Variants in GSG1L observed in about 807,000 individuals in gnomAD.
GSG1L encodes the protein germ cell-specific gene 1-like protein.
A neutral mutation model predicts 42.1 loss-of-function variants in GSG1L; 24 were observed. That is an observed-to-expected ratio of 0.57 (90% confidence interval 0.41 to 0.80). The LOEUF is 0.80. Among genes scored for constraint, GSG1L ranks in the 30% least tolerant of loss-of-function variants. The pLI, the probability that GSG1L is intolerant of heterozygous loss-of-function variation, is 0.00. For missense variants in GSG1L, 445 were observed against 472.2 expected (o/e 0.94, Z 0.53); for synonymous variants, 215 against 203.5 (o/e 1.06, Z -0.48).
chr16:28,022,468 A>T (rs376723124), intron 1 of GSG1L, among the ~76,000 whole-genome samples: 1 of 147,372 alleles, frequency 6.8e-6, no homozygotes, highest in Non-Finnish European at 1.5e-5. Context: ...ACAAGCCACC[A>T]CAACCAGCTA....
At chr16:27,809,829 T>C (rs892397914) in intron 5 of GSG1L, among the ~76,000 whole-genome samples, 1 of 152,182 alleles carries the variant, frequency 6.6e-6, no homozygotes, top group Non-Finnish European at 1.5e-5. Context: ...TCTTCTCTCA[T>C]GCAAGGAAGG....
intron 2 of GSG1L, among the ~76,000 whole-genome samples, chr16:27,949,874 G>A (rs935384782): frequency 4.6e-5 from 7 of 152,118 alleles, no homozygotes; most frequent in Non-Finnish European, 7.3e-5. Context: ...GCGGTGAGCC[G>A]AGATTGCGCC....
intron 1 of GSG1L, among the ~76,000 whole-genome samples, chr16:27,976,156 T>A (rs983357641): frequency 1.3e-5 from 2 of 152,092 alleles, no homozygotes; most frequent in Non-Finnish European, 2.9e-5. Context: ...ACGCCTGTAA[T>A]CCCGGCTACT....
At position 28,034,216 on chromosome 16, in the gene GSG1L, TCCCA is replaced by T; in HGVS notation, c.349+28856_349+28859del. 1.7e-3 allele frequency among the ~76,000 whole-genome samples: 6 copies of T among 3,518 alleles called. No individual in the cohort carries two copies. In the Admixed American group the frequency reaches 0.021, roughly 12 times the overall value. The allele number at this position is 3,518 out of a possible 152,430, so 2.3% of individuals were successfully genotyped here. A position where few individuals can be genotyped will look rare whatever the true frequency, so the allele number is the denominator to read the frequency against. ...ACTCATCTCATCCCATCCCAACCCA[TCCCA>T]TCCCATCCCATCCCATCCCATCCCA... On this transcript the variant is annotated intron_variant, in intron 1 of 6. Coordinates refer to ENST00000447459, the MANE Select transcript of GSG1L (RefSeq NM_001109763.2).
chr16:28,023,815 A>C (rs1448062137), intron 1 of GSG1L, among the ~76,000 whole-genome samples: 1 of 152,146 alleles, frequency 6.6e-6, no homozygotes, highest in Non-Finnish European at 1.5e-5. Flanking sequence ...GCTTGAGCCA[A>C]GGAGTTCAAG....
intron 6 of GSG1L, among the ~76,000 whole-genome samples, chr16:27,802,560 C>T (rs1263479501): frequency 3.3e-5 from 5 of 152,108 alleles, no homozygotes; most frequent in Non-Finnish European, 7.4e-5. Flanking sequence ...TTTGGAAAGT[C>T]TCTGGGGGCG....
chr16:28,056,273 T>C (rs2086278625), intron 1 of GSG1L, among the ~76,000 whole-genome samples: 1 of 152,080 alleles, frequency 6.6e-6, no homozygotes, highest in African/African-American at 2.4e-5. Flanking sequence ...ATATACGCCA[T>C]GGAATACTAT....
chr16:27,969,781 C>T (rs1421010754), intron 1 of GSG1L, among the ~76,000 whole-genome samples: 1 of 152,208 alleles, frequency 6.6e-6, no homozygotes, highest in African/African-American at 2.4e-5. Context: ...GAAATTGCGA[C>T]ACTTTTTTCC....
At chr16:28,002,134 G>A (rs2085584317) in intron 1 of GSG1L, among the ~76,000 whole-genome samples, 2 of 152,212 alleles carry the variant, frequency 1.3e-5, no homozygotes, top group Non-Finnish European at 2.9e-5. Flanking sequence ...CATTCCAGCA[G>A]GAGAAACAGA....
Position 27,879,044 on chromosome 16 carries a change from GGGTTTTT to G in GSG1L, c.550+5435_550+5441del, listed in dbSNP as rs1187523080. 2.6e-5 allele frequency among the ~76,000 whole-genome samples: 4 copies of G among 152,210 alleles called. No homozygotes were observed. The East Asian group carries it at 5.8e-4, about 22-fold the overall frequency. On this transcript the variant is annotated intron_variant, in intron 3 of 6. Coordinates refer to ENST00000447459, the MANE Select transcript of GSG1L (RefSeq NM_001109763.2). ...AATTTGATCAGATATCAAGGCTGGG[GGGTTTTT>G]GATACACGGATCCAGCAGGATTCTT... is the stretch of plus-strand genomic sequence containing the variant.
intron 2 of GSG1L, among the ~76,000 whole-genome samples, chr16:27,957,519 A>C (rs74015177): frequency 0.043 from 6,484 of 152,250 alleles, 480 homozygotes; most frequent in African/African-American, 0.15. Flanking sequence ...GTGGTACTCC[A>C]GTGCTGGGCT....
intron 1 of GSG1L, among the ~76,000 whole-genome samples, chr16:28,006,075 C>G (rs938007730): frequency 7.2e-5 from 11 of 152,116 alleles, no homozygotes. Flanking sequence ...CTGTTGCTGG[C>G]TCTGAAGATG....
chr16:27,861,073 A>G (rs2083643830), intron 3 of GSG1L, among the ~76,000 whole-genome samples: 1 of 152,168 alleles, frequency 6.6e-6, no homozygotes, highest in African/African-American at 2.4e-5. Flanking sequence ...AGGTCTAGAA[A>G]AGTGAAAGTG....
At chr16:27,918,343 C>T (rs189751578) in intron 2 of GSG1L, among the ~76,000 whole-genome samples, 2 of 152,196 alleles carry the variant, frequency 1.3e-5, no homozygotes, top group African/African-American at 4.8e-5. Context: ...GGGGCAAACA[C>T]AACAGATTGT....
At chr16:27,871,725 A>G (rs1161935144) in intron 3 of GSG1L, among the ~76,000 whole-genome samples, 6 of 152,248 alleles carry the variant, frequency 3.9e-5, no homozygotes, top group Non-Finnish European at 8.8e-5. Flanking sequence ...TACTGGTACG[A>G]GCTACAACAT....
At chr16:27,804,193 T>C (rs1415496548) in intron 6 of GSG1L, among the ~76,000 whole-genome samples, 2 of 151,998 alleles carry the variant, frequency 1.3e-5, no homozygotes, top group Non-Finnish European at 2.9e-5. Flanking sequence ...CTCCACTGCA[T>C]AGCGAACTCC....
chr16:27,942,084 A>G (rs2084803936), intron 2 of GSG1L, among the ~76,000 whole-genome samples: 1 of 152,078 alleles, frequency 6.6e-6, no homozygotes, highest in Admixed American at 6.6e-5. Context: ...ACACTTAAAA[A>G]TGGTTAAAAT....
intron 2 of GSG1L, among the ~76,000 whole-genome samples, chr16:27,904,755 G>A (rs891507555): frequency 6.6e-6 from 1 of 152,066 alleles, no homozygotes; most frequent in South Asian, 2.1e-4. Context: ...ATGGAAACAC[G>A]ATTACAAGAC....
intron 4 of GSG1L, among the ~76,000 whole-genome samples, chr16:27,839,178 G>A (rs959443993): frequency 2.0e-5 from 3 of 152,186 alleles, no homozygotes; most frequent in African/African-American, 4.8e-5. Flanking sequence ...GGACAGCAGT[G>A]AGGCCTATAT....
Sources: gnomAD v4.1 joint callset for allele counts (sites outside exome capture counted in the v4.1 genomes callset) on GRCh38, gnomAD v4.1.1 for gene constraint, MANE v1.5 for transcripts, NCBI Gene and HGNC (gene_info 2026-07-23, HGNC 2026-07-21) for gene names.